The following FNDC1 variants were observed in gnomAD, a reference collection of about 807,000 sequenced individuals.
FNDC1 encodes fibronectin type III domain containing 1.
In FNDC1, 96 loss-of-function variants were observed where a neutral mutation model predicts 168.0. The observed-to-expected ratio is 0.57, with a 90% CI of 0.48 to 0.68. The LOEUF (loss-of-function observed/expected upper bound fraction) is 0.68, where lower values mean the gene tolerates loss of function less well. Ranked by LOEUF, FNDC1 falls within the 30% of genes least tolerant of loss-of-function variation. The probability of loss-of-function intolerance (pLI) is 0.00; values close to 1 mark genes in which losing one functional copy is unlikely to be tolerated. For synonymous variants in FNDC1, 1,099 were observed against 1,025.9 expected (o/e 1.07, Z -1.36); for missense variants, 2,587 against 2,482.1 (o/e 1.04, Z -0.90).
At chr6:159,226,668 A>G in intron 9 of FNDC1, 88 bp downstream of exon 9, 2 of 1,022,946 alleles carry the variant, frequency 2.0e-6, no homozygotes, top group South Asian at 1.6e-5. Flanking sequence ...AAAAAGAAAT[A>G]GGGAAGCAAC....
chr6:159,222,545 A>T (rs973016198), intron 6 of FNDC1, among the ~76,000 whole-genome samples: 1 of 152,240 alleles, frequency 6.6e-6, no homozygotes, highest in Non-Finnish European at 1.5e-5. Context: ...AACCCAAGAG[A>T]CTACAGAGTA....
chr6:159,224,229 C>T (rs1458390833), intron 7 of FNDC1, among the ~76,000 whole-genome samples: 1 of 152,132 alleles, frequency 6.6e-6, no homozygotes, highest in Admixed American at 6.5e-5. Flanking sequence ...TATTCATTTG[C>T]AACAGCAATA....
intron 6 of FNDC1, among the ~76,000 whole-genome samples, chr6:159,222,983 CA>C (rs1183823712): frequency 3.9e-4 from 45 of 116,524 alleles, no homozygotes; most frequent in African/African-American, 1.2e-3. Context: ...GTGAAATACT[CA>C]TTTTTTTTTT....
chr6:159,214,531 A>C (rs1305949255), intron 4 of FNDC1, among the ~76,000 whole-genome samples: 3 of 152,230 alleles, frequency 2.0e-5, no homozygotes, highest in Non-Finnish European at 4.4e-5. Context: ...TTACAGTGAA[A>C]AAGCTTTCTG....
Position 159,232,908 on chromosome 6 carries a change from G to C in FNDC1, c.2396G>C (p.Arg799Thr), listed in dbSNP as rs1334030990. 1 of 1,612,180 alleles carries C rather than the reference G, an allele frequency of 6.2e-7. No homozygotes were observed. The highest frequency in any genetic ancestry group is 8.5e-7 in the Non-Finnish European group (1 of 1,179,770). ...HGDGDREDGG[R>T]QAEATAQTLR... ...GACGGCGATAGGGAAGACGGCGGAA[G>C]GCAGGCGGAGGCCACGGCCCAGACG... is the stretch of plus-strand genomic sequence containing the variant. Residue 799 changes from arginine to threonine, a missense_variant, in exon 11 of 23, where the codon AGG (arginine) becomes ACG (threonine). Coordinates refer to ENST00000297267, the MANE Select transcript of FNDC1 (RefSeq NM_032532.3). The surrounding 1 kb of genome is among the most constrained non-coding windows in gnomAD (Gnocchi z 4.9).
At chr6:159,193,015 G>A (rs1053979207) in intron 1 of FNDC1, among the ~76,000 whole-genome samples, 1 of 152,102 alleles carries the variant, frequency 6.6e-6, no homozygotes, top group African/African-American at 2.4e-5. Flanking sequence ...AATTGAAATT[G>A]GACACGAGGA....
At position 159,233,530 on chromosome 6, in the gene FNDC1, C is replaced by T. The variant is rs931687759; in HGVS notation, c.3018C>T (p.Pro1006=). ...CCGGCCGGGCCCCACAACAGCAGCC[C>T]CCTCCTCCCGTCGCCACGTCCCAGC... The part of the protein sequence containing the change: ...MTPGRAPQQQ[P]PPPVATSQHH... Residue 1006 remains proline, a synonymous_variant, in exon 11 of 23, where the codon CCC becomes CCT. Transcript: ENST00000297267. This position sits in a 1 kb window ranked among gnomAD's most constrained non-coding sequence, Gnocchi z 4.6. 2 of 1,598,010 alleles carry T rather than the reference C, an allele frequency of 1.3e-6. No individual in the cohort carries two copies. Among genetic ancestry groups the T allele is most frequent in the Non-Finnish European group, 1.7e-6 (2 of 1,175,718 alleles).
chr6:159,223,084 C>T (rs1243339526), intron 6 of FNDC1, among the ~76,000 whole-genome samples: 3 of 150,772 alleles, frequency 2.0e-5, no homozygotes. Flanking sequence ...CAAGCTCCGC[C>T]TCCTGGATTC....
intron 1 of FNDC1, among the ~76,000 whole-genome samples, chr6:159,177,463 G>A (rs1346366491): frequency 6.6e-6 from 1 of 152,140 alleles, no homozygotes; most frequent in Non-Finnish European, 1.5e-5. Flanking sequence ...GCTGGATGGG[G>A]TGTGGCAGGT....
At chr6:159,178,311 C>A (rs552324962) in intron 1 of FNDC1, among the ~76,000 whole-genome samples, 1 of 152,192 alleles carries the variant, frequency 6.6e-6, no homozygotes, top group African/African-American at 2.4e-5. Context: ...CCTGAGTATG[C>A]GTATAGTTCA....
chr6:159,207,401 C>T (rs914192780), intron 4 of FNDC1, among the ~76,000 whole-genome samples: 1 of 152,126 alleles, frequency 6.6e-6, no homozygotes, highest in Non-Finnish European at 1.5e-5. Context: ...CCTGGACTTG[C>T]CTTCCAGTCC....
At chr6:159,198,453 C>T (rs1262510561) in intron 2 of FNDC1, among the ~76,000 whole-genome samples, 1 of 151,876 alleles carries the variant, frequency 6.6e-6, no homozygotes, top group African/African-American at 2.4e-5. Flanking sequence ...TGACATCACG[C>T]TTCCTGGGTA....
At chr6:159,184,989 T>C (rs1042404761) in intron 1 of FNDC1, among the ~76,000 whole-genome samples, 3 of 142,648 alleles carry the variant, frequency 2.1e-5, no homozygotes, top group East Asian at 2.1e-4. Context: ...ATGATTGTTA[T>C]AAATAAATAT....
intron 2 of FNDC1, among the ~76,000 whole-genome samples, chr6:159,199,379 G>A (rs1175293412): frequency 6.6e-6 from 1 of 152,166 alleles, no homozygotes; most frequent in Non-Finnish European, 1.5e-5. Flanking sequence ...GTTATGTCAA[G>A]ATTAGCATTT....
chr6:159,228,703 G>A (rs561749734), intron 9 of FNDC1, among the ~76,000 whole-genome samples: 32 of 151,846 alleles, frequency 2.1e-4, no homozygotes, highest in African/African-American at 6.8e-4. Context: ...TTGAGACATA[G>A]CCTCACTTCA....
At position 159,247,034 on chromosome 6, in the gene FNDC1, A is replaced by G; in HGVS notation, c.4690+65A>G. 2.6e-6 allele frequency: 3 copies of G among 1,174,370 alleles called. No individual in the cohort carries two copies. The East Asian group carries it at 7.0e-5, about 27-fold the overall frequency. 72.7% of individuals were successfully genotyped at this position (1,174,370 alleles called of 1,614,324 possible). A position where few individuals can be genotyped will look rare whatever the true frequency, so the allele number is the denominator to read the frequency against. ...TTCCTAATCAAAGGATCTGATTGTA[A>G]CTATTGAGTGGATGATCTTGATGGA... On this transcript the variant is annotated intron_variant, in intron 15 of 22. Transcript: ENST00000297267.
chr6:159,211,197 A>T (rs1232629815), intron 4 of FNDC1, among the ~76,000 whole-genome samples: 1 of 152,196 alleles, frequency 6.6e-6, no homozygotes, highest in Non-Finnish European at 1.5e-5. Flanking sequence ...GGGGATAGAG[A>T]TCAGGACCAT....
In FNDC1 at chr6:159,249,114, C is replaced by A. The variant is rs778541622; in HGVS notation, c.4766C>A (p.Pro1589Gln). The change falls in exon 16 of 23, where the codon CCA (proline) becomes CAA (glutamine). Residue 1589 changes from proline to glutamine, a missense_variant. Pro to Gln is a moderately conservative substitution (Grantham distance 76). Coordinates refer to ENST00000297267, the MANE Select transcript of FNDC1 (RefSeq NM_032532.3). Reference protein sequence around the residue: ...STTATTPRVIPEEGAISSFPE... With the variant: ...STTATTPRVIQEEGAISSFPE... ...ACTGCTACCACACCGAGGGTGATCC[C>A]AGAGGAAGGCGCCATCAGTTCCTTT... 81 of 1,609,774 alleles carry A rather than the reference C, an allele frequency of 5.0e-5. No individual in the cohort carries two copies. Among genetic ancestry groups the A allele is most frequent in the Non-Finnish European group, 6.6e-5 (78 of 1,177,982 alleles).
chr6:159,271,538 C>G lies in FNDC1; in HGVS notation c.*96C>G. The G allele has an allele frequency of 1.1e-6, 1 of 899,086 alleles. No individual in the cohort carries two copies. The highest frequency in any genetic ancestry group is 1.8e-6 in the Non-Finnish European group (1 of 561,062). 55.7% of individuals were successfully genotyped at this position (899,086 alleles called of 1,614,324 possible). ...CAAAGACAGCCAGCGTGCTCAGCCC[C>G]GCTGCCCTAGGTGCCAGGAAGGTCA... On this transcript the variant is annotated 3_prime_UTR_variant, in exon 23 of 23. Coordinates refer to ENST00000297267, the MANE Select transcript of FNDC1 (RefSeq NM_032532.3).
Sources: gnomAD v4.1 joint callset for allele counts (sites outside exome capture counted in the v4.1 genomes callset) on GRCh38, gnomAD v4.1.1 for gene constraint, Gnocchi (gnomAD v3.1) non-coding constraint, MANE v1.5 for transcripts, NCBI Gene and HGNC (gene_info 2026-07-23, HGNC 2026-07-21) for gene names.